GATA6: variants seen among roughly 807,000 people sequenced by gnomAD.
The protein encoded by GATA6 is transcription factor GATA-6.
A neutral mutation model predicts 48.1 loss-of-function variants in GATA6; 11 were observed. That is an observed-to-expected ratio of 0.23 (90% CI 0.14 to 0.38). GATA6 has a LOEUF of 0.38. Among genes scored for constraint, GATA6 ranks in the 10% least tolerant of loss-of-function variants. GATA6 has a pLI of 1.00. For missense variants in GATA6, 795 were observed against 850.3 expected, an observed-to-expected ratio of 0.93 and a Z score of 0.81; for synonymous variants, 419 against 396.1, an observed-to-expected ratio of 1.06 and a Z score of -0.69.
Position 22,172,215 on chromosome 18 carries a change from G to T in GATA6, c.1071G>T (p.Pro357=). 1 of 1,503,422 alleles carries T rather than the reference G, an allele frequency of 6.7e-7. No individual in the cohort carries two copies. Among genetic ancestry groups the T allele is most frequent in the Non-Finnish European group, 8.9e-7 (1 of 1,126,780 alleles). 93.1% of individuals were successfully genotyped at this position (1,503,422 alleles called of 1,614,324 possible). The part of the protein sequence containing the change: ...PAWPAGPFET[P]VLHSLQSRAG... ...GGCCCGCCGGACCCTTCGAGACCCCGGTGCTGCACAGCCTGCAGAGCCGCG... is the reference window on the plus strand; with the variant it reads ...GGCCCGCCGGACCCTTCGAGACCCCTGTGCTGCACAGCCTGCAGAGCCGCG... The change falls in exon 2 of 7, where the codon CCG becomes CCT. Residue 357 remains proline, a synonymous_variant. Coordinates refer to ENST00000269216, the MANE Select transcript of GATA6 (RefSeq NM_005257.6). This position sits in a 1 kb window ranked among gnomAD's most constrained non-coding sequence, Gnocchi z 5.2.
chr18:22,200,083 G>C (rs1273537693), intron 6 of GATA6, among the ~76,000 whole-genome samples: 1 of 152,080 alleles, frequency 6.6e-6, no homozygotes, highest in Non-Finnish European at 1.5e-5. Context: ...TGAAGTCAAT[G>C]TTCAAAAATT....
chr18:22,181,532 G>A lies in GATA6; in HGVS notation c.1382G>A (p.Gly461Asp). 6.2e-7 allele frequency: 1 copy of A among 1,614,206 alleles called. No individual in the cohort carries two copies. The highest frequency in any genetic ancestry group is 8.5e-7 in the Non-Finnish European group (1 of 1,180,046). Residue 461 changes from glycine to aspartate, a missense_variant, in exon 4 of 7, where the codon GGT (glycine) becomes GAT (aspartate). Gly to Asp is a moderately conservative substitution (Grantham distance 94). Transcript: ENST00000269216. ...TTTLWRRNAE[G>D]EPVCNACGLY... Reference sequence around the variant, plus strand: ...ACCTTATGGCGCAGAAACGCCGAGGGTGAACCCGTGTGCAATGCTTGTGGA... The same window carrying A: ...ACCTTATGGCGCAGAAACGCCGAGGATGAACCCGTGTGCAATGCTTGTGGA...
intron 2 of GATA6, among the ~76,000 whole-genome samples, chr18:22,173,731 T>C (rs1436297647): frequency 6.6e-6 from 1 of 152,184 alleles, no homozygotes; most frequent in African/African-American, 2.4e-5. Flanking sequence ...AATCTCTGTC[T>C]CCCGGGTTCA....
At chr18:22,184,854 A>C (rs1448247653) in intron 6 of GATA6, among the ~76,000 whole-genome samples, 2 of 152,138 alleles carry the variant, frequency 1.3e-5, no homozygotes, top group African/African-American at 4.8e-5. Context: ...AGCTAGAGGC[A>C]AAACAATTTG....
Position 22,172,382 on chromosome 18 carries a change from C to G in GATA6, c.1135+103C>G, listed in dbSNP as rs569840125. On this transcript the variant is annotated intron_variant, in intron 2 of 6. Transcript: ENST00000269216. This position sits in a 1 kb window ranked among gnomAD's most constrained non-coding sequence, Gnocchi z 5.2. Reference sequence around the variant, plus strand: ...TCGGGCCCTGTTTTCAGGACTTTCTCGTCCGGGTGCGCGGAGGTCGGCCTG... The same window carrying G: ...TCGGGCCCTGTTTTCAGGACTTTCTGGTCCGGGTGCGCGGAGGTCGGCCTG... 64 of 1,460,022 alleles carry G rather than the reference C, an allele frequency of 4.4e-5. No homozygotes were observed. The highest frequency in any genetic ancestry group is 1.1e-4 in the Admixed American group (5 of 43,858). The allele number at this position is 1,460,022 out of a possible 1,614,324, so 90.4% of individuals were successfully genotyped here.
In GATA6 at chr18:22,171,131, G is replaced by A; in HGVS notation, c.-14G>A. Reference sequence around the variant, plus strand: ...AGGAGCTAGACGTCAGCTTGGAGCGGCGCCGGACCGTGGATGGCCTTGACT... The same window carrying A: ...AGGAGCTAGACGTCAGCTTGGAGCGACGCCGGACCGTGGATGGCCTTGACT... On this transcript the variant is annotated 5_prime_UTR_variant, in exon 2 of 7. Transcript: ENST00000269216. The surrounding 1 kb of genome is among the most constrained non-coding windows in gnomAD (Gnocchi z 7.1). The A allele has an allele frequency of 6.3e-7, 1 of 1,599,028 alleles. No homozygotes were observed. Among genetic ancestry groups the A allele is most frequent in the Non-Finnish European group, 8.5e-7 (1 of 1,179,162 alleles).
At chr18:22,177,162 C>G (rs201473095) in intron 3 of GATA6, 41 bp downstream of exon 3, 39 of 1,521,136 alleles carry the variant, frequency 2.6e-5, no homozygotes, top group Middle Eastern at 2.3e-4. Flanking sequence ...CGGCCGGCCC[C>G]GGGCTCTCCT....
Position 22,185,715 on chromosome 18 carries a change from C to A in GATA6, c.1620+2672C>A, listed in dbSNP as rs763212997. On this transcript the variant is annotated intron_variant, in intron 6 of 6. Coordinates refer to ENST00000269216, the MANE Select transcript of GATA6 (RefSeq NM_005257.6). This position sits in a 1 kb window ranked among gnomAD's most constrained non-coding sequence, Gnocchi z 4.3. ...TCTGCTGGCTGCCTTTGGAAGCTGTCCCCCTGTAAGAATACCTGTAGTAGG... is the reference window on the plus strand; with the variant it reads ...TCTGCTGGCTGCCTTTGGAAGCTGTACCCCTGTAAGAATACCTGTAGTAGG... Among the ~76,000 whole-genome samples, 7 of 152,338 alleles carry A rather than the reference C, an allele frequency of 4.6e-5. No homozygotes were observed. The highest frequency in any genetic ancestry group is 2.1e-4 in the South Asian group (1 of 4,824).
chr18:22,179,770 GA>G (rs1398881908), intron 3 of GATA6, among the ~76,000 whole-genome samples: 2 of 152,190 alleles, frequency 1.3e-5, no homozygotes, highest in African/African-American at 4.8e-5. Context: ...GCTCTCCTGT[GA>G]GCCAAGCATA....
rs764776127 is a variant in GATA6 at position 22,171,192 on chromosome 18, C to G, written c.48C>G (p.Ala16=). Residue 16 remains alanine, a synonymous_variant, in exon 2 of 7, where the codon GCC becomes GCG. Coordinates refer to ENST00000269216, the MANE Select transcript of GATA6 (RefSeq NM_005257.6). This position sits in a 1 kb window ranked among gnomAD's most constrained non-coding sequence, Gnocchi z 7.1. ...GGWCLPKRFG[A]AGADASDSRA... is the part of the protein sequence containing the mutation. ...GGTGCTTGCCGAAGCGCTTCGGGGC[C>G]GCGGGTGCGGACGCCAGCGACTCCA... The G allele has an allele frequency of 4.4e-6, 7 of 1,599,714 alleles. No homozygotes were observed. Among genetic ancestry groups the G allele is most frequent in the Non-Finnish European group, 5.9e-6 (7 of 1,179,496 alleles).
intron 6 of GATA6, among the ~76,000 whole-genome samples, chr18:22,184,337 GT>G (rs1205844565): frequency 5.6e-4 from 80 of 141,766 alleles, no homozygotes; most frequent in Middle Eastern, 3.7e-3. Flanking sequence ...CCTTTTAGTT[GT>G]TTTTTTTTTT....
At position 22,171,663 on chromosome 18, in the gene GATA6, GGCCGCGGCGGCAGCA is replaced by G. The variant is rs777216159; in HGVS notation, c.531_545del (p.Ala179_Ala183del). On this transcript the variant is annotated inframe_deletion, in exon 2 of 7. Coordinates refer to ENST00000269216, the MANE Select transcript of GATA6 (RefSeq NM_005257.6). This position sits in a 1 kb window ranked among gnomAD's most constrained non-coding sequence, Gnocchi z 7.1. ...CGCCCGGCGGCTTCGTGCACTCTGC[GGCCGCGGCGGCAGCA>G]GCCGCGGCGGCGGCCAGCTCCCCGG... The G allele has an allele frequency of 1.2e-5, 19 of 1,522,498 alleles. No homozygotes were observed. The highest frequency in any genetic ancestry group is 5.1e-5 in the East Asian group (2 of 39,398). The allele number at this position is 1,522,498 out of a possible 1,614,324, so 94.3% of individuals were successfully genotyped here.
At position 22,171,650 on chromosome 18, in the gene GATA6, T is replaced by A; in HGVS notation, c.506T>A (p.Phe169Tyr). 1 of 1,574,722 alleles carries A rather than the reference T, an allele frequency of 6.4e-7. No individual in the cohort carries two copies. Among genetic ancestry groups the A allele is most frequent in the Non-Finnish European group, 8.6e-7 (1 of 1,169,090 alleles). The change falls in exon 2 of 7, where the codon TTC becomes TAC. Residue 169 changes from phenylalanine to tyrosine, a missense_variant. By Grantham distance (22) the Phe-to-Tyr change is conservative. This residue lies in a region of GATA6 where 591 missense variants were observed against 570.0 expected (regional missense o/e 1.04). Transcript: ENST00000269216. The surrounding 1 kb of genome is among the most constrained non-coding windows in gnomAD (Gnocchi z 7.1). ...GCCTACGACGGCGCGCCCGGCGGCT[T>A]CGTGCACTCTGCGGCCGCGGCGGCA... ...PAAYDGAPGG[F>Y]VHSAAAAAAA...
chr18:22,198,546 G>T (rs1446519408), intron 6 of GATA6, among the ~76,000 whole-genome samples: 1 of 152,212 alleles, frequency 6.6e-6, no homozygotes, highest in East Asian at 1.9e-4. Flanking sequence ...ATGCTGATGT[G>T]CCTGTTTTCG....
At chr18:22,200,173 T>TAG (rs1388626483) in intron 6 of GATA6, among the ~76,000 whole-genome samples, 9 of 126,550 alleles carry the variant, frequency 7.1e-5, no homozygotes, top group African/African-American at 2.9e-4. Flanking sequence ...TAAGCCTTGT[T>TAG]AGAGTGTGTG....
intron 3 of GATA6, among the ~76,000 whole-genome samples, chr18:22,178,914 C>T (rs926075447): frequency 1.3e-5 from 2 of 152,170 alleles, no homozygotes; most frequent in African/African-American, 4.8e-5. Context: ...TGAGTACTAA[C>T]TGAACTTTCA....
chr18:22,193,901 G>T (rs1327794957), intron 6 of GATA6, among the ~76,000 whole-genome samples: 1 of 152,046 alleles, frequency 6.6e-6, no homozygotes, highest in Non-Finnish European at 1.5e-5. Context: ...TCCTTTTCTC[G>T]GCTGTGTTGC....
At chr18:22,196,197 AT>A (rs1252482095) in intron 6 of GATA6, among the ~76,000 whole-genome samples, 1 of 151,984 alleles carries the variant, frequency 6.6e-6, no homozygotes, top group South Asian at 2.1e-4. Context: ...TACTTGCCCC[AT>A]TTTTTTTCTG....
rs1337675212 is a variant in GATA6, at chr18:22,200,908, G to A, written c.*85G>A. ...CTTTTGTGCAGCGGTCCAGACAGTG[G>A]CGACTGCGCTGACAGAACGTGATTC... On this transcript the variant is annotated 3_prime_UTR_variant, in exon 7 of 7. Coordinates refer to ENST00000269216, the MANE Select transcript of GATA6 (RefSeq NM_005257.6). The A allele has an allele frequency of 3.7e-6, 5 of 1,363,388 alleles. No homozygotes were observed. Among genetic ancestry groups the A allele is most frequent in the Non-Finnish European group, 5.1e-6 (5 of 989,032 alleles). The allele number at this position is 1,363,388 out of a possible 1,614,324, so 84.5% of individuals were successfully genotyped here.
Sources: allele counts gnomAD v4.1 joint callset (sites outside exome capture counted in the v4.1 genomes callset), GRCh38; gene constraint gnomAD v4.1.1; regional missense constraint gnomAD v4.1.1; non-coding constraint Gnocchi (gnomAD v3.1); transcripts MANE v1.5; gene names NCBI Gene and HGNC (gene_info 2026-07-23, HGNC 2026-07-21).